Variants in EBPL observed in about 807,000 individuals in gnomAD.
The protein encoded by EBPL is emopamil-binding protein-like.
EBPL carries 20 observed loss-of-function variants against 19.0 expected under a neutral mutation model. The observed-to-expected ratio is 1.05, with a 90% CI of 0.74 to 1.53. The LOEUF (loss-of-function observed/expected upper bound fraction) is 1.53, where lower values mean the gene tolerates loss of function less well. EBPL is among the 40% of genes most tolerant of loss of function. The probability of loss-of-function intolerance (pLI) is 0.00; values close to 1 mark genes in which losing one functional copy is unlikely to be tolerated. For synonymous variants in EBPL, 107 were observed against 117.0 expected (o/e 0.91, Z 0.55); for missense variants, 219 against 261.1 (o/e 0.84, Z 1.11).
At chr13:49,669,656 T>G in intron 2 of EBPL, 121 bp downstream of exon 2, 1 of 822,318 alleles carries the variant, frequency 1.2e-6, no homozygotes, top group Admixed American at 2.4e-5. Flanking sequence ...CTCTACAGAC[T>G]CACCTATTCT....
intron 2 of EBPL, 93 bp downstream of exon 2, chr13:49,669,684 G>A: frequency 2.9e-6 from 3 of 1,050,952 alleles, no homozygotes; most frequent in Non-Finnish European, 4.3e-6. Context: ...TCATATAAAT[G>A]AAGTCATACA....
chr13:49,684,824 A>C (rs2137510043), intron 1 of EBPL, among the ~76,000 whole-genome samples: 1 of 152,382 alleles, frequency 6.6e-6, no homozygotes, highest in Middle Eastern at 3.4e-3. Flanking sequence ...CTGTATTATA[A>C]AGATATCATT....
At chr13:49,675,875 A>AT (rs1436613643) in intron 1 of EBPL, among the ~76,000 whole-genome samples, 8 of 103,042 alleles carry the variant, frequency 7.8e-5, no homozygotes, top group East Asian at 7.3e-4. Flanking sequence ...CTTTGTTGTT[A>AT]TTGTTTTTTT....
At chr13:49,679,142 G>A (rs1953915595) in intron 1 of EBPL, among the ~76,000 whole-genome samples, 1 of 152,164 alleles carries the variant, frequency 6.6e-6, no homozygotes, top group East Asian at 1.9e-4. Flanking sequence ...TGTAGAGAAT[G>A]GAGACAGTTA....
chr13:49,681,759 G>A lies in EBPL; in HGVS notation c.171+9495C>T, dbSNP rs1005387319. ...TTAATCCTTAAAGAAAAATTTAGCA[G>A]AAAAAGTCCTTAAAGAAATAAAAAG... On this transcript the variant is annotated intron_variant, in intron 1 of 3. Transcript: ENST00000242827. Among the ~76,000 whole-genome samples, 23 of 152,296 alleles carry A rather than the reference G, an allele frequency of 1.5e-4. No homozygotes were observed. The East Asian group carries it at 4.0e-3, about 27-fold the overall frequency.
chr13:49,668,311 T>C (rs532093911), intron 2 of EBPL: 28 of 199,426 alleles, frequency 1.4e-4, no homozygotes, highest in East Asian at 5.2e-4. Flanking sequence ...CGGTGGCTCA[T>C]GCCTATAACC....
intron 2 of EBPL, among the ~76,000 whole-genome samples, chr13:49,669,244 G>A (rs906140976): frequency 5.3e-5 from 8 of 150,730 alleles, no homozygotes; most frequent in Admixed American, 1.3e-4. Flanking sequence ...TCTGTCGCCC[G>A]GGCTGGAGTG....
chr13:49,664,751 A>G (rs1422985032), intron 2 of EBPL, among the ~76,000 whole-genome samples: 1 of 152,146 alleles, frequency 6.6e-6, no homozygotes, highest in African/African-American at 2.4e-5. Context: ...CTCTTGTCTC[A>G]TAAAGACCAG....
intron 1 of EBPL, among the ~76,000 whole-genome samples, chr13:49,679,006 T>TAAGAAAAAAAAAA (rs1953912937): frequency 1.1e-5 from 1 of 95,188 alleles, no homozygotes; most frequent in Non-Finnish European, 1.9e-5. Flanking sequence ...AGACTCCGTC[T>TAAGAAAAAAAAAA]AAAAAAAAAA....
At chr13:49,682,846 G>A (rs1006544623) in intron 1 of EBPL, among the ~76,000 whole-genome samples, 1 of 152,146 alleles carries the variant, frequency 6.6e-6, no homozygotes, top group Non-Finnish European at 1.5e-5. Flanking sequence ...ATTCAAGGGT[G>A]CATCTGCTGC....
chr13:49,690,064 A>C (rs61959939), intron 1 of EBPL, among the ~76,000 whole-genome samples: 53,743 of 151,258 alleles, frequency 0.36, 9,962 homozygotes, highest in Non-Finnish European at 0.42. Context: ...GCAGGAGAAT[A>C]GCTTTAACCC....
At chr13:49,687,753 T>C (rs1446351701) in intron 1 of EBPL, among the ~76,000 whole-genome samples, 1 of 152,244 alleles carries the variant, frequency 6.6e-6, no homozygotes, top group African/African-American at 2.4e-5. Flanking sequence ...CAGTAACATC[T>C]GGCCTTCATT....
intron 1 of EBPL, among the ~76,000 whole-genome samples, chr13:49,676,839 C>T (rs1953881966): frequency 6.6e-6 from 1 of 152,188 alleles, no homozygotes; most frequent in African/African-American, 2.4e-5. Context: ...CAGGCTGATT[C>T]TCCAGACTTT....
At chr13:49,680,754 G>A (rs1388081782) in intron 1 of EBPL, among the ~76,000 whole-genome samples, 2 of 152,070 alleles carry the variant, frequency 1.3e-5, no homozygotes, top group Admixed American at 6.5e-5. Flanking sequence ...CCAGGGAGGC[G>A]GAGGTTGCAG....
intron 1 of EBPL, among the ~76,000 whole-genome samples, chr13:49,679,587 A>G (rs1214049881): frequency 6.6e-6 from 1 of 152,154 alleles, no homozygotes; most frequent in East Asian, 1.9e-4. Context: ...GCAGCCTCTC[A>G]GACTCCTGGG....
chr13:49,675,386 A>G (rs1044628039), intron 1 of EBPL, among the ~76,000 whole-genome samples: 2 of 152,232 alleles, frequency 1.3e-5, no homozygotes, highest in African/African-American at 2.4e-5. Flanking sequence ...ATCTTATGGG[A>G]CAACCATGGT....
chr13:49,661,258 G>C, intron 3 of EBPL, 50 bp from the exon 4 acceptor site: 1 of 1,455,104 alleles, frequency 6.9e-7, no homozygotes, highest in Non-Finnish European at 9.5e-7. Flanking sequence ...GGCACAGTTT[G>C]GCATCAGAGT....
intron 1 of EBPL, among the ~76,000 whole-genome samples, chr13:49,687,921 T>C (rs1246856312): frequency 1.3e-5 from 2 of 152,224 alleles, no homozygotes; most frequent in African/African-American, 2.4e-5. Context: ...CTTCCCTGCT[T>C]GAAATCCTTC....
intron 1 of EBPL, among the ~76,000 whole-genome samples, chr13:49,678,979 G>A (rs1054836752): frequency 7.3e-6 from 1 of 137,380 alleles, no homozygotes. Flanking sequence ...GTGTGTCTGT[G>A]CCTGGGTGAC....
Sources: gnomAD v4.1 joint callset for allele counts (sites outside exome capture counted in the v4.1 genomes callset) on GRCh38, gnomAD v4.1.1 for gene constraint, MANE v1.5 for transcripts, NCBI Gene and HGNC (gene_info 2026-07-23, HGNC 2026-07-21) for gene names.